PHF24: variants seen among roughly 807,000 people sequenced by gnomAD.
The protein encoded by PHF24 is Galpha inhibitory interacting protein.
A neutral mutation model predicts 42.6 loss-of-function variants in PHF24; 25 were observed. The observed-to-expected ratio is 0.59, with a 90% CI of 0.43 to 0.82. The LOEUF is 0.82. PHF24 is among the 40% of genes least tolerant of loss of function. The probability of loss-of-function intolerance (pLI) is 0.00; values close to 1 mark genes in which losing one functional copy is unlikely to be tolerated. For synonymous variants in PHF24, 185 were observed against 204.8 expected (o/e 0.90, Z 0.83); for missense variants, 470 against 538.1 (o/e 0.87, Z 1.25).
exon 8 of PHF24, chr9:34,981,400 C>T (rs1043805293): frequency 6.6e-6 from 1 of 152,290 alleles, no homozygotes; most frequent in African/African-American, 2.4e-5. Flanking sequence ...GGACTCATAG[C>T]CCAAAGCACA....
chr9:34,888,930 C>T, the PHF24 span: 1 of 396,384 alleles, frequency 2.5e-6, no homozygotes, highest in Admixed American at 4.4e-5. Context: ...TGGGAGGAGT[C>T]ATGTGGAATG....
the PHF24 span, among the ~76,000 whole-genome samples, chr9:34,932,301 G>A: frequency 1.3e-5 from 2 of 152,222 alleles, no homozygotes; most frequent in South Asian, 4.1e-4. Context: ...AAGAACTCCA[G>A]GGATGTGGTA....
At chr9:34,688,754 T>A in the PHF24 span, among the ~76,000 whole-genome samples, 1 of 152,230 alleles carries the variant, frequency 6.6e-6, no homozygotes, top group Non-Finnish European at 1.5e-5. Flanking sequence ...AATGAACAGA[T>A]GGACCCTCAG....
the PHF24 span, among the ~76,000 whole-genome samples, chr9:34,853,913 T>A: frequency 3.9e-5 from 6 of 152,104 alleles, no homozygotes; most frequent in Non-Finnish European, 7.3e-5. Flanking sequence ...GGTCCTGAGC[T>A]TTTTTGGTTG....
At chr9:34,872,947 C>G in the PHF24 span, among the ~76,000 whole-genome samples, 4 of 151,136 alleles carry the variant, frequency 2.6e-5, no homozygotes, top group Non-Finnish European at 3.0e-5. Flanking sequence ...TTGCATTTCT[C>G]TGATGGCCAG....
At chr9:34,880,229 C>G in the PHF24 span, among the ~76,000 whole-genome samples, 1 of 152,294 alleles carries the variant, frequency 6.6e-6, no homozygotes, top group African/African-American at 2.4e-5. Context: ...ACAACCGGTA[C>G]CAGCCACTGC....
the PHF24 span, among the ~76,000 whole-genome samples, chr9:34,875,946 A>ACTCTCT: frequency 9.0e-5 from 8 of 89,074 alleles, no homozygotes; most frequent in African/African-American, 4.0e-4. Flanking sequence ...ACACACACAC[A>ACTCTCT]CACACTCTCT....
chr9:34,954,388 A>G (rs1049027579), upstream of PHF24, among the ~76,000 whole-genome samples: 3 of 152,196 alleles, frequency 2.0e-5, no homozygotes, highest in African/African-American at 7.2e-5. Context: ...GCGGCAGCCA[A>G]GGGATGAATG....
At chr9:34,839,914 G>A in the PHF24 span, among the ~76,000 whole-genome samples, 1 of 152,170 alleles carries the variant, frequency 6.6e-6, no homozygotes, top group East Asian at 1.9e-4. Flanking sequence ...GATTAATTTT[G>A]GAGTTTTGTC....
At chr9:34,951,093 AATT>A in the PHF24 span, among the ~76,000 whole-genome samples, 48 of 152,226 alleles carry the variant, frequency 3.2e-4, no homozygotes, top group African/African-American at 1.1e-3. Flanking sequence ...TTCCTTAACA[AATT>A]ACCGCAAACA....
chr9:34,747,610 C>A, the PHF24 span, among the ~76,000 whole-genome samples: 1 of 152,054 alleles, frequency 6.6e-6, no homozygotes. Flanking sequence ...CTAATATAGG[C>A]CTACCAGAGA....
the PHF24 span, among the ~76,000 whole-genome samples, chr9:34,874,882 A>G: frequency 6.6e-6 from 1 of 152,170 alleles, no homozygotes; most frequent in Non-Finnish European, 1.5e-5. Flanking sequence ...TCATACAGGC[A>G]TGCAATATGA....
At chr9:34,701,987 C>T in the PHF24 span, among the ~76,000 whole-genome samples, 3 of 152,192 alleles carry the variant, frequency 2.0e-5, no homozygotes, top group African/African-American at 7.2e-5. This position sits in a 1 kb window ranked among gnomAD's most constrained non-coding sequence, Gnocchi z 5.8. Context: ...TTCGCTCGCA[C>T]CCGATAGATA....
chr9:34,783,457 T>G, the PHF24 span, among the ~76,000 whole-genome samples: 1 of 152,188 alleles, frequency 6.6e-6, no homozygotes, highest in Admixed American at 6.5e-5. Context: ...ACCTCTTTTC[T>G]TTTTTCACCA....
At chr9:34,848,941 T>G in the PHF24 span, among the ~76,000 whole-genome samples, 1 of 152,186 alleles carries the variant, frequency 6.6e-6, no homozygotes, top group Admixed American at 6.5e-5. Context: ...TGAGTTCTAG[T>G]TTGATTGCAC....
At chr9:34,837,614 C>T in the PHF24 span, 3 of 1,441,774 alleles carry the variant, frequency 2.1e-6, no homozygotes, top group South Asian at 1.2e-5. Context: ...TAGGAAACAC[C>T]CACAGTGGAA....
At chr9:34,835,480 C>T in the PHF24 span, 1 of 1,551,962 alleles carries the variant, frequency 6.4e-7, no homozygotes. Flanking sequence ...TATGCAAGGC[C>T]ATCGGATGCA....
chr9:34,797,329 A>G, the PHF24 span, among the ~76,000 whole-genome samples: 288 of 152,262 alleles, frequency 1.9e-3, no homozygotes, highest in Middle Eastern at 6.8e-3. Flanking sequence ...GTTAGACCCT[A>G]TATCTTGTCG....
the PHF24 span, among the ~76,000 whole-genome samples, chr9:34,772,328 C>G: frequency 6.6e-6 from 1 of 151,996 alleles, no homozygotes; most frequent in Admixed American, 6.6e-5. Flanking sequence ...TGAAATTTTT[C>G]CTAAGGAAAT....
Sources: gnomAD v4.1 joint callset for allele counts (sites outside exome capture counted in the v4.1 genomes callset) on GRCh38, gnomAD v4.1.1 for gene constraint, Gnocchi (gnomAD v3.1) non-coding constraint, MANE v1.5 for transcripts, NCBI Gene and HGNC (gene_info 2026-07-23, HGNC 2026-07-21) for gene names.